The following SKA3 variants were observed in gnomAD, a reference collection of about 807,000 sequenced individuals.
The protein encoded by SKA3 is spindle and kinetochore-associated protein 3.
SKA3 carries 39 observed loss-of-function variants against 44.2 expected under a neutral mutation model. The ratio of observed to expected loss-of-function variants is 0.88; its 90% CI spans 0.68 to 1.15. The LOEUF (loss-of-function observed/expected upper bound fraction) is 1.15, where lower values mean the gene tolerates loss of function less well. SKA3 is among the 50% of genes most tolerant of loss of function. The pLI is 0.00. For missense variants in SKA3, 511 were observed against 485.8 expected, an observed-to-expected ratio of 1.05 and a Z score of -0.49; for synonymous variants, 192 against 172.0, an observed-to-expected ratio of 1.12 and a Z score of -0.91.
At position 21,155,721 on chromosome 13, in the gene SKA3, T is replaced by C. The variant is rs1219225516; in HGVS notation, c.1210A>G (p.Ile404Val). ...SKRFLKHGQN[I>V]RDVSNKEN ...TTTTCTTTGTTGCTGACATCTCGGA[T>C]GTTCTGTCCATGTTTAAGGAACCTT... The change falls in exon 8 of 9, where the codon ATC (isoleucine) becomes GTC (valine). Residue 404 changes from isoleucine (I) to valine (V), a missense_variant. Physicochemically the swap from Ile to Val is conservative, Grantham distance 29 (BLOSUM62 3). Transcript: ENST00000314759. The C allele has an allele frequency of 1.2e-6, 2 of 1,608,292 alleles. No homozygotes were observed. Among genetic ancestry groups the C allele is most frequent in the Admixed American group, 1.7e-5 (1 of 59,976 alleles).
chr13:21,161,728 A>G (rs1267462937), intron 5 of SKA3, 62 bp downstream of exon 5: 7 of 1,037,384 alleles, frequency 6.7e-6, no homozygotes, highest in Non-Finnish European at 9.4e-6. Context: ...GATGAAATCA[A>G]TTTTGTTCAA....
In SKA3 at chr13:21,154,865, T is replaced by C. The variant is rs1348406892; in HGVS notation, c.*285A>G. On this transcript the variant is annotated 3_prime_UTR_variant, in exon 9 of 9. Transcript: ENST00000314759. ...TGAAATTACTTGTCCTACTTCCTGGTACTACTTAAACCATTCTGTTGATTA... is the reference window on the plus strand; with the variant it reads ...TGAAATTACTTGTCCTACTTCCTGGCACTACTTAAACCATTCTGTTGATTA... 4 of 540,462 alleles carry C rather than the reference T, an allele frequency of 7.4e-6. No individual in the cohort carries two copies. The highest frequency in any genetic ancestry group is 6.5e-6 in the Non-Finnish European group (2 of 307,022). 33.5% of individuals were successfully genotyped at this position (540,462 alleles called of 1,614,324 possible). A position where few individuals can be genotyped will look rare whatever the true frequency, so the allele number is the denominator to read the frequency against.
At chr13:21,167,768 A>G (rs1227896340) in intron 4 of SKA3, among the ~76,000 whole-genome samples, 3 of 147,342 alleles carry the variant, frequency 2.0e-5, no homozygotes, top group Non-Finnish European at 4.5e-5. Flanking sequence ...CTCCGTCTCG[A>G]AAAAAAAAAA....
At chr13:21,155,264 T>A (rs1221507160) in intron 8 of SKA3, 114 bp from the exon 9 acceptor site, 1 of 817,548 alleles carries the variant, frequency 1.2e-6, no homozygotes, top group Admixed American at 2.6e-5. Flanking sequence ...GAGGATAGAT[T>A]CCCACTGATA....
chr13:21,169,999 G>A (rs900430564), intron 3 of SKA3, among the ~76,000 whole-genome samples: 9 of 152,118 alleles, frequency 5.9e-5, no homozygotes, highest in Admixed American at 5.9e-4. Context: ...ATTTAACACA[G>A]AGTATGATAT....
At chr13:21,173,608 G>C (rs185144559) in intron 1 of SKA3, among the ~76,000 whole-genome samples, 928 of 65,868 alleles carry the variant, frequency 0.014, 3 homozygotes, top group Admixed American at 0.025. Context: ...TTATGAACTT[G>C]ATTTAATGGA....
chr13:21,169,528 G>A (rs942305810), intron 3 of SKA3, among the ~76,000 whole-genome samples: 7 of 151,906 alleles, frequency 4.6e-5, no homozygotes, highest in Non-Finnish European at 2.9e-5. Context: ...TACCTAGCCC[G>A]CCTCCAGCAT....
intron 6 of SKA3, among the ~76,000 whole-genome samples, chr13:21,159,422 A>G (rs1453423044): frequency 6.6e-6 from 1 of 152,186 alleles, no homozygotes. Context: ...TTTCCTTAAA[A>G]TATGTGTATA....
chr13:21,157,928 AAT>A lies in SKA3; in HGVS notation c.1111_1112del (p.Ile371SerfsTer18), dbSNP rs1870208568. 1 of 1,587,308 alleles carries A rather than the reference AAT, an allele frequency of 6.3e-7. No individual in the cohort carries two copies. ...PPEVTKIPEDILQLLSKYNSN... is the reference protein window; with the variant it reads ...PPEVTKIPEDXLQLLSKYNSN... ...AATAGCCTGGAAAAATAACCTGGAG[AAT>A]ATCTTCTGGAATTTTAGTTACTTCC... On this transcript the variant is annotated frameshift_variant, in exon 7 of 9. Coordinates refer to ENST00000314759, the MANE Select transcript of SKA3 (RefSeq NM_145061.6). LOFTEE classifies it high-confidence loss of function.
Position 21,176,514 on chromosome 13 carries a change from G to T in SKA3, c.-37C>A. ...CGGGGAAGGACTCCAGGCGTACGCA[G>T]ACCCCACCGCTCAGCTCACAGCCTC... On this transcript the variant is annotated 5_prime_UTR_variant, in exon 1 of 9. The change creates a new upstream start codon in the 5' untranslated region. Coordinates refer to ENST00000314759, the MANE Select transcript of SKA3 (RefSeq NM_145061.6). 2 of 1,407,504 alleles carry T rather than the reference G, an allele frequency of 1.4e-6. No homozygotes were observed. The highest frequency in any genetic ancestry group is 2.9e-5 in the South Asian group (2 of 69,290). 87.2% of individuals were successfully genotyped at this position (1,407,504 alleles called of 1,614,324 possible). A position where few individuals can be genotyped will look rare whatever the true frequency, so the allele number is the denominator to read the frequency against.
chr13:21,174,410 GA>G (rs148196751), intron 1 of SKA3, among the ~76,000 whole-genome samples: 47,781 of 152,008 alleles, frequency 0.31, 8,233 homozygotes, highest in African/African-American at 0.45. Flanking sequence ...CATAAAAAAG[GA>G]TAAGTTCATG....
chr13:21,166,110 T>A (rs1488344610), intron 4 of SKA3, among the ~76,000 whole-genome samples: 3 of 151,736 alleles, frequency 2.0e-5, no homozygotes, highest in African/African-American at 7.3e-5. Context: ...CTCTGCCTCC[T>A]GGGTTCAAGC....
chr13:21,162,674 C>G (rs572744721), intron 4 of SKA3, among the ~76,000 whole-genome samples: 1 of 152,104 alleles, frequency 6.6e-6, no homozygotes, highest in Non-Finnish European at 1.5e-5. Context: ...AGCCACTACA[C>G]CTGGTCATTG....
Position 21,176,527 on chromosome 13 carries a change from A to G in SKA3, c.-50T>C. On this transcript the variant is annotated 5_prime_UTR_variant, in exon 1 of 9. Coordinates refer to ENST00000314759, the MANE Select transcript of SKA3 (RefSeq NM_145061.6). Reference sequence around the variant, plus strand: ...CAGGCGTACGCAGACCCCACCGCTCAGCTCACAGCCTCCCGCCACTAGTTT... The same window carrying G: ...CAGGCGTACGCAGACCCCACCGCTCGGCTCACAGCCTCCCGCCACTAGTTT... The G allele has an allele frequency of 9.8e-7, 1 of 1,023,238 alleles. No individual in the cohort carries two copies. Among genetic ancestry groups the G allele is most frequent in the Non-Finnish European group, 1.3e-6 (1 of 780,280 alleles). The allele number at this position is 1,023,238 out of a possible 1,614,324, so 63.4% of individuals were successfully genotyped here.
chr13:21,155,426 T>TG lies in SKA3; in HGVS notation c.1238+266_1238+267insC, dbSNP rs375647730. On this transcript the variant is annotated intron_variant, in intron 8 of 8. Coordinates refer to ENST00000314759, the MANE Select transcript of SKA3 (RefSeq NM_145061.6). The stretch of plus-strand genomic sequence containing the variant: ...AATGTTAATTTTTTTTTTTTTTTTT[T>TG]AGATGGAGTCTCGCTCTGTTGCCAG... Among the ~76,000 whole-genome samples the TG allele has an allele frequency of 3.6e-3, 486 of 136,860 alleles. 3 individuals are homozygous for TG. The highest frequency in any genetic ancestry group is 9.4e-3 in the South Asian group (40 of 4,258). 89.8% of individuals were successfully genotyped at this position (136,860 alleles called of 152,430 possible).
In SKA3 at chr13:21,168,160, G is replaced by T. The variant is rs2137374866; in HGVS notation, c.571C>A (p.Pro191Thr). The T allele has an allele frequency of 6.2e-7, 1 of 1,614,104 alleles. No individual in the cohort carries two copies. The highest frequency in any genetic ancestry group is 8.5e-7 in the Non-Finnish European group (1 of 1,180,008). Reference sequence around the variant, plus strand: ...TTTACTAGTGATTGTTTGGTAGGTGGGGTTACAATTACGGGCTCTTCCTTA... The same window carrying T: ...TTTACTAGTGATTGTTTGGTAGGTGTGGTTACAATTACGGGCTCTTCCTTA... ...NYKEEPVIVT[P>T]PTKQSLVKVL... Residue 191 changes from proline (P) to threonine (T), a missense_variant, in exon 4 of 9, where the codon CCA becomes ACA. Transcript: ENST00000314759.
chr13:21,162,204 CAT>C (rs1565993238), intron 4 of SKA3, among the ~76,000 whole-genome samples: 1 of 152,052 alleles, frequency 6.6e-6, no homozygotes, highest in Non-Finnish European at 1.5e-5. Flanking sequence ...CTGATCCTGT[CAT>C]ATGATTATCA....
chr13:21,155,250 A>AT, intron 8 of SKA3, 100 bp from the exon 9 acceptor site: 1 of 841,390 alleles, frequency 1.2e-6, no homozygotes, highest in Non-Finnish European at 1.7e-6. Flanking sequence ...CTTATAAAAT[A>AT]ATTGAGGATA....
At chr13:21,173,601 T>C (rs1031982789) in intron 1 of SKA3, among the ~76,000 whole-genome samples, 41 of 112,166 alleles carry the variant, frequency 3.7e-4, no homozygotes, top group African/African-American at 1.2e-3. Context: ...TTGTCACTTA[T>C]GAACTTGATT....
Sources: gnomAD v4.1 joint callset for allele counts (sites outside exome capture counted in the v4.1 genomes callset) on GRCh38, gnomAD v4.1.1 for gene constraint, MANE v1.5 for transcripts, NCBI Gene and HGNC (gene_info 2026-07-23, HGNC 2026-07-21) for gene names.